MICALL1: variants seen among roughly 807,000 people sequenced by gnomAD.
The protein encoded by MICALL1 is MICAL-like protein 1.
Under a neutral mutation model 83.7 loss-of-function variants are expected in MICALL1, and 61 were observed. That is an observed-to-expected ratio of 0.73 (90% CI 0.59 to 0.90). The LOEUF (loss-of-function observed/expected upper bound fraction) is 0.90, where lower values mean the gene tolerates loss of function less well. Ranked by LOEUF, MICALL1 falls within the 40% of genes least tolerant of loss-of-function variation. The probability of loss-of-function intolerance (pLI) is 0.00; values close to 1 mark genes in which losing one functional copy is unlikely to be tolerated. For synonymous variants in MICALL1, 481 were observed against 473.6 expected (o/e 1.02, Z -0.20); for missense variants, 1,066 against 1,152.0 (o/e 0.93, Z 1.08).
intron 1 of MICALL1, among the ~76,000 whole-genome samples, chr22:37,908,133 C>T (rs560444898): frequency 1.3e-5 from 2 of 152,166 alleles, no homozygotes; most frequent in South Asian, 2.1e-4. Context: ...ATGTCTTAGG[C>T]GCATGGCCTT....
intron 8 of MICALL1, 152 bp downstream of exon 8, chr22:37,926,195 T>A: frequency 9.7e-7 from 1 of 1,029,796 alleles, no homozygotes; most frequent in Non-Finnish European, 1.4e-6. Context: ...AACCTGTGAG[T>A]AGGTATCGTC....
rs1412346494 is a variant in MICALL1, at chr22:37,906,600, G to A, written c.146+32G>A. The A allele has an allele frequency of 8.7e-6, 10 of 1,155,738 alleles. No individual in the cohort carries two copies. The highest frequency in any genetic ancestry group is 1.1e-5 in the Non-Finnish European group (10 of 934,992). The allele number at this position is 1,155,738 out of a possible 1,614,324, so 71.6% of individuals were successfully genotyped here. On this transcript the variant is annotated intron_variant, in intron 1 of 15. Transcript: ENST00000215957. This position sits in a 1 kb window ranked among gnomAD's most constrained non-coding sequence, Gnocchi z 4.4. Reference sequence around the variant, plus strand: ...GCGGGGCCCCGGGCGAGCGGGCGGCGCGGGGCGGGCTGGGGCCGCGACCGC... The same window carrying A: ...GCGGGGCCCCGGGCGAGCGGGCGGCACGGGGCGGGCTGGGGCCGCGACCGC...
In MICALL1 at chr22:37,922,413, C is replaced by T. The variant is rs1296330625; in HGVS notation, c.1011C>T (p.Ser337=). Residue 337 remains serine (S), a synonymous_variant, in exon 6 of 16, where the codon AGC becomes AGT. Transcript: ENST00000215957. ...ACCTGGTGGAGCAGGCTGGCAGCAG[C>T]AGCCTGGTGAACGGTGAGCAGGGTG... ...QENLVEQAGS[S]SLVNGRLHEL... 2 of 1,529,844 alleles carry T rather than the reference C, an allele frequency of 1.3e-6. No individual in the cohort carries two copies. Among genetic ancestry groups the T allele is most frequent in the Non-Finnish European group, 1.8e-6 (2 of 1,142,326 alleles). The allele number at this position is 1,529,844 out of a possible 1,614,324, so 94.8% of individuals were successfully genotyped here.
Position 37,940,936 on chromosome 22 carries a change from T to C in MICALL1, c.*106T>C. 1 of 1,443,980 alleles carries C rather than the reference T, an allele frequency of 6.9e-7. No homozygotes were observed. Among genetic ancestry groups the C allele is most frequent in the Non-Finnish European group, 9.4e-7 (1 of 1,060,484 alleles). The allele number at this position is 1,443,980 out of a possible 1,614,324, so 89.4% of individuals were successfully genotyped here. On this transcript the variant is annotated 3_prime_UTR_variant, in exon 16 of 16. Coordinates refer to ENST00000215957, the MANE Select transcript of MICALL1 (RefSeq NM_033386.4). ...CCCCTCAGATCAGTCAGGAGGAAGA[T>C]GACTAAGGGGAGGGATCCTCTGGGT...
In MICALL1 at chr22:37,925,654, C is replaced by A; in HGVS notation, c.1083-7C>A. 5 of 1,595,048 alleles carry A rather than the reference C, an allele frequency of 3.1e-6. No homozygotes were observed. Among genetic ancestry groups the A allele is most frequent in the Non-Finnish European group, 4.3e-6 (5 of 1,168,688 alleles). On this transcript the variant is annotated splice_region_variant and splice_polypyrimidine_tract_variant and intron_variant, in intron 7 of 15. Transcript: ENST00000215957. ...TAATGGTTTCTGCTGCTTCCCCCCT[C>A]CTCCAGGACACCAGCCCCCAGGAAG...
intron 1 of MICALL1, among the ~76,000 whole-genome samples, chr22:37,910,717 C>G (rs532838775): frequency 6.6e-6 from 1 of 152,244 alleles, no homozygotes; most frequent in East Asian, 1.9e-4. Flanking sequence ...GTCCCTGGCC[C>G]CTGCCTGGAA....
intron 15 of MICALL1, among the ~76,000 whole-genome samples, chr22:37,940,054 A>G (rs1338007374): frequency 1.3e-5 from 2 of 152,012 alleles, no homozygotes; most frequent in African/African-American, 4.8e-5. Context: ...GCACCATTGC[A>G]CTCCAGCCTG....
intron 4 of MICALL1, among the ~76,000 whole-genome samples, chr22:37,918,728 G>A (rs1928831243): frequency 6.6e-6 from 1 of 152,242 alleles, no homozygotes; most frequent in Admixed American, 6.5e-5. Context: ...TGCACAGCCA[G>A]GAGCTGCCTT....
chr22:37,920,692 C>T (rs1427495774), intron 5 of MICALL1, among the ~76,000 whole-genome samples: 1 of 151,860 alleles, frequency 6.6e-6, no homozygotes, highest in Non-Finnish European at 1.5e-5. Flanking sequence ...GAGGCCGAGG[C>T]GGGTGGATCA....
chr22:37,913,503 G>A (rs1313229934), intron 3 of MICALL1, among the ~76,000 whole-genome samples: 3 of 152,208 alleles, frequency 2.0e-5, no homozygotes, highest in Admixed American at 6.5e-5. Context: ...CTCCAGCAGG[G>A]AAGTGGCTCT....
At chr22:37,934,690 G>T (rs1190068780) in intron 13 of MICALL1, among the ~76,000 whole-genome samples, 1 of 144,564 alleles carries the variant, frequency 6.9e-6, no homozygotes, top group Non-Finnish European at 1.5e-5. Context: ...TCTGCCTCCC[G>T]GGTTCACGCC....
In MICALL1 at chr22:37,931,929, G is replaced by T. The variant is rs1808661430; in HGVS notation, c.2012G>T (p.Arg671Leu). The T allele has an allele frequency of 4.3e-6, 7 of 1,613,906 alleles. No homozygotes were observed. Among genetic ancestry groups the T allele is most frequent in the Non-Finnish European group, 5.9e-6 (7 of 1,179,934 alleles). The change falls in exon 10 of 16, where the codon CGC becomes CTC. Residue 671 changes from arginine to leucine, a missense_variant. By Grantham distance (102) the Arg-to-Leu change is moderately radical. Coordinates refer to ENST00000215957, the MANE Select transcript of MICALL1 (RefSeq NM_033386.4). ...GGACACGGCTTTCCACTCATCAAAC[G>T]CAAGGTACCAGCTGGGAGCCCCCCG... is the stretch of plus-strand genomic sequence containing the variant. The part of the protein sequence containing the change: ...APGHGFPLIK[R>L]KVQADQYIPE...
In MICALL1 at chr22:37,932,991, C is replaced by T; in HGVS notation, c.2235-48C>T. The T allele has an allele frequency of 6.2e-7, 1 of 1,613,088 alleles. No homozygotes were observed. The highest frequency in any genetic ancestry group is 2.2e-5 in the East Asian group (1 of 44,866). ...TCAGTAACAGCGCAGGGCAGGGCAGCCGGGGCTCGGGCAGAATTGTTAAGA... is the reference window on the plus strand; with the variant it reads ...TCAGTAACAGCGCAGGGCAGGGCAGTCGGGGCTCGGGCAGAATTGTTAAGA... On this transcript the variant is annotated intron_variant, in intron 12 of 15. Transcript: ENST00000215957. The surrounding 1 kb of genome is among the most constrained non-coding windows in gnomAD (Gnocchi z 4.4).
chr22:37,939,286 T>C (rs1930301038), intron 15 of MICALL1, among the ~76,000 whole-genome samples: 1 of 152,188 alleles, frequency 6.6e-6, no homozygotes, highest in East Asian at 1.9e-4. Flanking sequence ...ACTGAGATAA[T>C]GTGTAAAACT....
intron 3 of MICALL1, 38 bp downstream of exon 3, chr22:37,912,530 A>G (rs751382073): frequency 2.9e-5 from 45 of 1,556,718 alleles, no homozygotes; most frequent in Non-Finnish European, 3.5e-5. Context: ...AGGCTGGCCC[A>G]GGGGGTGGCC....
chr22:37,908,497 A>G (rs6000935), intron 1 of MICALL1, among the ~76,000 whole-genome samples: 8,080 of 151,954 alleles, frequency 0.053, 705 homozygotes, highest in African/African-American at 0.18. Context: ...ATGGGTTTTC[A>G]CCATGTTGCC....
chr22:37,922,967 A>T (rs1334211897), intron 6 of MICALL1, among the ~76,000 whole-genome samples: 6 of 137,210 alleles, frequency 4.4e-5, no homozygotes, highest in East Asian at 2.2e-4. Context: ...ATGGAATCCC[A>T]CTCTGTCACC....
chr22:37,935,555 G>A (rs1449043759), intron 13 of MICALL1, among the ~76,000 whole-genome samples: 2 of 151,694 alleles, frequency 1.3e-5, no homozygotes, highest in East Asian at 2.0e-4. Context: ...CACCGCACCC[G>A]GCCTATTATT....
rs1929293327 is a variant in MICALL1 at position 37,924,471 on chromosome 22, T to C, written c.1025-189T>C. On this transcript the variant is annotated intron_variant, in intron 6 of 15. Transcript: ENST00000215957. This position sits in a 1 kb window ranked among gnomAD's most constrained non-coding sequence, Gnocchi z 5.2. ...AATGCAAACGGGGTCTCAGGTGGCC[T>C]GGCCTTGACCCCTGACTGTTCTCAG... Among the ~76,000 whole-genome samples the C allele has an allele frequency of 6.6e-6, 1 of 152,190 alleles. No homozygotes were observed. The highest frequency in any genetic ancestry group is 1.5e-5 in the Non-Finnish European group (1 of 68,044).
Sources: gnomAD v4.1 joint callset for allele counts (sites outside exome capture counted in the v4.1 genomes callset) on GRCh38, gnomAD v4.1.1 for gene constraint, Gnocchi (gnomAD v3.1) non-coding constraint, MANE v1.5 for transcripts, NCBI Gene and HGNC (gene_info 2026-07-23, HGNC 2026-07-21) for gene names.